The following IFT88 variants were observed in gnomAD, a reference collection of about 807,000 sequenced individuals.
The protein encoded by IFT88 is intraflagellar transport protein 88 homolog.
A neutral mutation model predicts 119.5 loss-of-function variants in IFT88; 74 were observed. That is an observed-to-expected ratio of 0.62 (90% confidence interval 0.51 to 0.75). The LOEUF (loss-of-function observed/expected upper bound fraction) is 0.75. IFT88 is among the 30% of genes least tolerant of loss of function. The probability of loss-of-function intolerance (pLI) is 0.00; values close to 1 mark genes in which losing one functional copy is unlikely to be tolerated. For synonymous variants in IFT88, 279 were observed against 316.7 expected (o/e 0.88, Z 1.26); for missense variants, 961 against 977.7 (o/e 0.98, Z 0.23).
intron 23 of IFT88, among the ~76,000 whole-genome samples, chr13:20,670,108 A>G (rs1490435728): frequency 1.3e-5 from 2 of 152,170 alleles, no homozygotes; most frequent in African/African-American, 4.8e-5. Context: ...GAGTTAAATA[A>G]TTTGTCTTTT....
chr13:20,618,997 C>A (rs1367146387), intron 14 of IFT88, among the ~76,000 whole-genome samples: 1 of 151,934 alleles, frequency 6.6e-6, no homozygotes, highest in Non-Finnish European at 1.5e-5. Flanking sequence ...GCTGGGACTA[C>A]AGGCGCACAT....
chr13:20,611,002 G>T (rs1287551129), intron 13 of IFT88, among the ~76,000 whole-genome samples: 1 of 151,642 alleles, frequency 6.6e-6, no homozygotes, highest in Non-Finnish European at 1.5e-5. Context: ...TGAGGTGGAG[G>T]ATCACCTGAA....
chr13:20,571,346 T>C (rs915755277), intron 1 of IFT88, among the ~76,000 whole-genome samples: 14 of 152,320 alleles, frequency 9.2e-5, no homozygotes, highest in African/African-American at 3.1e-4. Context: ...GTACAGGCCT[T>C]AAGAAAATAT....
At chr13:20,641,490 T>C in intron 18 of IFT88, 92 bp downstream of exon 18, 1 of 713,060 alleles carries the variant, frequency 1.4e-6, no homozygotes, top group Non-Finnish European at 2.4e-6. Context: ...AATGAAGTAA[T>C]TGATGAGGAT....
At chr13:20,664,656 A>G (rs2054351878) in intron 23 of IFT88, among the ~76,000 whole-genome samples, 1 of 152,236 alleles carries the variant, frequency 6.6e-6, no homozygotes, top group Admixed American at 6.5e-5. Flanking sequence ...TATGTTTGGA[A>G]TAGAGCAAAA....
chr13:20,570,554 C>G (rs1265845209), intron 1 of IFT88, among the ~76,000 whole-genome samples: 1 of 152,194 alleles, frequency 6.6e-6, no homozygotes, highest in Non-Finnish European at 1.5e-5. Context: ...TTGATACATA[C>G]TACTGCGTGG....
At chr13:20,587,384 A>G (rs2039872354) in intron 3 of IFT88, among the ~76,000 whole-genome samples, 2 of 151,974 alleles carry the variant, frequency 1.3e-5, no homozygotes, top group African/African-American at 4.8e-5. Context: ...CAGCCTCCTG[A>G]GTAGCTGAGA....
At chr13:20,616,424 C>G (rs1277470708) in intron 14 of IFT88, among the ~76,000 whole-genome samples, 1 of 152,124 alleles carries the variant, frequency 6.6e-6, no homozygotes, top group Admixed American at 6.5e-5. Context: ...TTTAATTGTA[C>G]CTTTTCTATG....
intron 21 of IFT88, among the ~76,000 whole-genome samples, chr13:20,654,702 C>T (rs1292628025): frequency 6.6e-6 from 1 of 152,196 alleles, no homozygotes; most frequent in Non-Finnish European, 1.5e-5. Flanking sequence ...TGTTTTAATA[C>T]ATAACTCAGT....
At chr13:20,624,512 C>A (rs1038294902) in intron 14 of IFT88, among the ~76,000 whole-genome samples, 14 of 152,306 alleles carry the variant, frequency 9.2e-5, no homozygotes, top group East Asian at 5.8e-4. Flanking sequence ...CAGAGGCCTG[C>A]ACTTGAGGCC....
intron 24 of IFT88, among the ~76,000 whole-genome samples, chr13:20,677,144 C>T (rs944103613): frequency 3.3e-5 from 5 of 152,134 alleles, no homozygotes; most frequent in Non-Finnish European, 5.9e-5. Flanking sequence ...ATAATGTTAC[C>T]TCCTTTGTTC....
intron 23 of IFT88, among the ~76,000 whole-genome samples, chr13:20,664,344 T>C (rs1210220407): frequency 6.6e-6 from 1 of 152,312 alleles, no homozygotes; most frequent in East Asian, 1.9e-4. Flanking sequence ...AAGACTGTTC[T>C]CTTTTTTGTG....
At chr13:20,606,317 AG>A (rs2043438482) in intron 13 of IFT88, among the ~76,000 whole-genome samples, 1 of 152,140 alleles carries the variant, frequency 6.6e-6, no homozygotes, top group African/African-American at 2.4e-5. Context: ...ACTGTCACCC[AG>A]TTGTAACAAA....
intron 24 of IFT88, among the ~76,000 whole-genome samples, chr13:20,675,894 G>A (rs1045748822): frequency 1.3e-5 from 2 of 152,210 alleles, no homozygotes; most frequent in African/African-American, 2.4e-5. Flanking sequence ...ACACACTGTA[G>A]TTTGCTAATC....
chr13:20,597,540 C>T (rs376670423), intron 9 of IFT88, among the ~76,000 whole-genome samples: 4 of 151,926 alleles, frequency 2.6e-5, no homozygotes, highest in African/African-American at 7.3e-5. Flanking sequence ...GTCAGGAAAT[C>T]GAGACCATCC....
Position 20,607,275 on chromosome 13 carries a change from C to T in IFT88, c.1112+2170C>T, listed in dbSNP as rs115466824. ...CTGCTGCTGCCGCAGCACTTCTACC[C>T]GTACTGCGTGCTGCCACTCACCTTC... is the stretch of plus-strand genomic sequence containing the variant. On this transcript the variant is annotated intron_variant, in intron 13 of 25. Coordinates refer to ENST00000351808, the MANE Select transcript of IFT88 (RefSeq NM_006531.5). The T allele has an allele frequency of 5.4e-3, 2,283 of 426,356 alleles. 56 individuals carry two copies. Among genetic ancestry groups the T allele is most frequent in the African/African-American group, 0.043 (2,115 of 48,890 alleles). 26.4% of individuals were successfully genotyped at this position (426,356 alleles called of 1,614,324 possible). A position where few individuals can be genotyped will look rare whatever the true frequency, so the allele number is the denominator to read the frequency against.
At chr13:20,664,479 C>T (rs2054322396) in intron 23 of IFT88, among the ~76,000 whole-genome samples, 2 of 152,192 alleles carry the variant, frequency 1.3e-5, no homozygotes, top group Admixed American at 6.5e-5. Flanking sequence ...GACTCACTCT[C>T]AGCCCTCCAT....
chr13:20,665,876 C>T (rs1412558043), intron 23 of IFT88, among the ~76,000 whole-genome samples: 2 of 152,142 alleles, frequency 1.3e-5, no homozygotes, highest in Middle Eastern at 3.4e-3. Flanking sequence ...TTGGAGTGGG[C>T]ATGATTGGAC....
chr13:20,613,820 A>G (rs909054744), intron 13 of IFT88, among the ~76,000 whole-genome samples: 1 of 151,654 alleles, frequency 6.6e-6, no homozygotes, highest in African/African-American at 2.4e-5. Flanking sequence ...ATTGAATGCA[A>G]TTGCTTTTGC....
Sources: gnomAD v4.1 joint callset for allele counts (sites outside exome capture counted in the v4.1 genomes callset) on GRCh38, gnomAD v4.1.1 for gene constraint, MANE v1.5 for transcripts, NCBI Gene and HGNC (gene_info 2026-07-23, HGNC 2026-07-21) for gene names.